INTS3: variants seen among roughly 807,000 people sequenced by gnomAD.
The protein encoded by INTS3 is SOSS complex subunit A.
A neutral mutation model predicts 146.3 loss-of-function variants in INTS3; 34 were observed. The observed-to-expected ratio is 0.23, with a 90% CI of 0.18 to 0.31. The LOEUF is 0.31. Among genes scored for constraint, INTS3 ranks in the 10% least tolerant of loss-of-function variants. The pLI is 1.00. For synonymous variants in INTS3, 475 were observed against 494.9 expected (o/e 0.96, Z 0.53); for missense variants, 757 against 1,304.2 (o/e 0.58, Z 6.46).
chr1:153,749,706 T>C (rs34695094), intron 6 of INTS3, among the ~76,000 whole-genome samples: 4,765 of 152,368 alleles, frequency 0.031, 122 homozygotes, highest in Non-Finnish European at 0.042. Context: ...CAGATAGGTC[T>C]TTGTTCCTTT....
intron 16 of INTS3, 98 bp downstream of exon 16, chr1:153,763,460 C>A: frequency 7.6e-7 from 1 of 1,307,962 alleles, no homozygotes; most frequent in Non-Finnish European, 1.1e-6. Context: ...TGGAGGCAAA[C>A]ATGATAGGAG....
chr1:153,743,561 G>A (rs921013933), intron 3 of INTS3, among the ~76,000 whole-genome samples: 1 of 151,916 alleles, frequency 6.6e-6, no homozygotes, highest in African/African-American at 2.4e-5. Flanking sequence ...GTCAGTATTG[G>A]GAAAGAGTAG....
At chr1:153,743,796 G>C (rs1671626069) in intron 3 of INTS3, among the ~76,000 whole-genome samples, 1 of 152,138 alleles carries the variant, frequency 6.6e-6, no homozygotes, top group South Asian at 2.1e-4. Flanking sequence ...AAAGGTAATG[G>C]GAAAGGGTCT....
At chr1:153,737,563 A>G (rs775018595) in intron 1 of INTS3, among the ~76,000 whole-genome samples, 5 of 152,078 alleles carry the variant, frequency 3.3e-5, no homozygotes, top group African/African-American at 4.8e-5. Context: ...CAGAGGTGCA[A>G]TCTTGGCTCA....
chr1:153,749,997 C>T (rs781551868), intron 6 of INTS3, among the ~76,000 whole-genome samples: 208 of 152,316 alleles, frequency 1.4e-3, no homozygotes, highest in Non-Finnish European at 2.0e-3. Context: ...GTGTCCTCTC[C>T]TACACCCTCC....
In INTS3 at chr1:153,772,485, G is replaced by T. The variant is rs1672934619; in HGVS notation, c.2821+45G>T. ...CGTCCAGTGTAGACGGTGCTGCCCT[G>T]GCCCAGACTATGCCTGGAGCCAGGC... is the stretch of plus-strand genomic sequence containing the variant. On this transcript the variant is annotated intron_variant, in intron 27 of 29. Coordinates refer to ENST00000318967, the MANE Select transcript of INTS3 (RefSeq NM_023015.5). This position sits in a 1 kb window ranked among gnomAD's most constrained non-coding sequence, Gnocchi z 4.6. The T allele has an allele frequency of 1.2e-6, 2 of 1,613,670 alleles. No individual in the cohort carries two copies. Among genetic ancestry groups the T allele is most frequent in the Non-Finnish European group, 1.7e-6 (2 of 1,179,922 alleles).
chr1:153,751,275 A>C (rs200002306), intron 7 of INTS3, 36 bp downstream of exon 7: 2 of 1,608,716 alleles, frequency 1.2e-6, no homozygotes, highest in Admixed American at 3.3e-5. Context: ...TGGGGAAGTG[A>C]GACTCAGGCT....
At chr1:153,742,873 C>T (rs1671590867) in intron 3 of INTS3, among the ~76,000 whole-genome samples, 1 of 152,242 alleles carries the variant, frequency 6.6e-6, no homozygotes, top group South Asian at 2.1e-4. Flanking sequence ...CCTCGGGTCT[C>T]ATAGCTGGTT....
chr1:153,772,334 G>C lies in INTS3; in HGVS notation c.2721-6G>C. On this transcript the variant is annotated splice_region_variant and splice_polypyrimidine_tract_variant and intron_variant, in intron 26 of 29. Transcript: ENST00000318967. The surrounding 1 kb of genome is among the most constrained non-coding windows in gnomAD (Gnocchi z 4.6). Reference sequence around the variant, plus strand: ...TCAGACTCTGGCTCTGGTGATTCCTGCACAGCCTGAGGAGCTCTAGCAGCA... The same window carrying C: ...TCAGACTCTGGCTCTGGTGATTCCTCCACAGCCTGAGGAGCTCTAGCAGCA... 4 of 1,613,186 alleles carry C rather than the reference G, an allele frequency of 2.5e-6. No individual in the cohort carries two copies. Among genetic ancestry groups the C allele is most frequent in the Non-Finnish European group, 3.4e-6 (4 of 1,179,466 alleles).
intron 25 of INTS3, among the ~76,000 whole-genome samples, chr1:153,771,479 C>T (rs1672863876): frequency 6.6e-6 from 1 of 152,126 alleles, no homozygotes; most frequent in Non-Finnish European, 1.5e-5. Flanking sequence ...CATCTGCATG[C>T]CACATGCTTG....
At chr1:153,756,877 A>G (rs1010588184) in intron 9 of INTS3, among the ~76,000 whole-genome samples, 120 of 152,368 alleles carry the variant, frequency 7.9e-4, no homozygotes, top group African/African-American at 2.7e-3. Context: ...TTTCACATGC[A>G]TAATAGCAAC....
chr1:153,732,808 C>CT (rs35259045), intron 1 of INTS3, among the ~76,000 whole-genome samples: 53,334 of 143,940 alleles, frequency 0.37, 10,248 homozygotes, highest in East Asian at 0.67. Flanking sequence ...GGAATTTAGT[C>CT]TTTTTTTTTT....
intron 10 of INTS3, among the ~76,000 whole-genome samples, chr1:153,758,018 G>A (rs1672225577): frequency 6.6e-6 from 1 of 152,086 alleles, no homozygotes; most frequent in Admixed American, 6.6e-5. Flanking sequence ...TGGGTTTCTG[G>A]AGCGTCCCTG....
Position 153,772,237 on chromosome 1 carries a change from A to G in INTS3, c.2721-103A>G, listed in dbSNP as rs997864366. On this transcript the variant is annotated intron_variant, in intron 26 of 29. Transcript: ENST00000318967. This position sits in a 1 kb window ranked among gnomAD's most constrained non-coding sequence, Gnocchi z 4.6. ...TCCCAGGCTGCCTATCCTGTTCCCC[A>G]TGTAGGCTGCCTCTGTCTTAAGGGG... is the stretch of plus-strand genomic sequence containing the variant. 1.5e-6 allele frequency: 2 copies of G among 1,333,154 alleles called. No homozygotes were observed. The highest frequency in any genetic ancestry group is 4.6e-5 in the East Asian group (2 of 43,180). The allele number at this position is 1,333,154 out of a possible 1,614,324, so 82.6% of individuals were successfully genotyped here. A position where few individuals can be genotyped will look rare whatever the true frequency, so the allele number is the denominator to read the frequency against.
At chr1:153,749,783 G>A (rs1671888391) in intron 6 of INTS3, among the ~76,000 whole-genome samples, 1 of 152,204 alleles carries the variant, frequency 6.6e-6, no homozygotes, top group Non-Finnish European at 1.5e-5. Flanking sequence ...CCAGGATTCA[G>A]GTAATTTCGT....
At chr1:153,770,058 GGTGTGT>G (rs55766761) in intron 23 of INTS3, 134 bp from the exon 24 acceptor site, 21,889 of 433,580 alleles carry the variant, frequency 0.05, 124 homozygotes, top group Middle Eastern at 0.065. Context: ...AGTGGATTGG[GGTGTGT>G]GTGTGTGTGT....
chr1:153,737,845 C>T (rs750883874), intron 1 of INTS3, among the ~76,000 whole-genome samples: 28 of 152,036 alleles, frequency 1.8e-4, no homozygotes, highest in Non-Finnish European at 3.1e-4. Flanking sequence ...TTTCTTTCCT[C>T]ACACTCTCAT....
Position 153,759,549 on chromosome 1 carries a change from C to T in INTS3, c.1173C>T (p.Ala391=), listed in dbSNP as rs1672297212. 1.2e-6 allele frequency: 2 copies of T among 1,613,816 alleles called. No individual in the cohort carries two copies. The highest frequency in any genetic ancestry group is 1.3e-5 in the African/African-American group (1 of 75,036). Residue 391 remains alanine (A), a synonymous_variant, in exon 11 of 30, where the codon GCC becomes GCT. Transcript: ENST00000318967. ...AGTCAAATGTCGCTGCCTCCAATGC[C>T]AAGCTGGCTTTGTTTTATGACTGGC... ...TCTSNVAASN[A]KLALFYDWLF... is the part of the protein sequence containing the mutation.
chr1:153,770,352 C>A (rs1382523275), intron 24 of INTS3, 41 bp downstream of exon 24: 3 of 1,224,860 alleles, frequency 2.4e-6, no homozygotes, highest in Non-Finnish European at 2.4e-6. Context: ...AGATATGACA[C>A]TTCCTATACA....
Sources: allele counts gnomAD v4.1 joint callset (sites outside exome capture counted in the v4.1 genomes callset), GRCh38; gene constraint gnomAD v4.1.1; non-coding constraint Gnocchi (gnomAD v3.1); transcripts MANE v1.5; gene names NCBI Gene and HGNC (gene_info 2026-07-23, HGNC 2026-07-21).